Variants in MYO18B observed in about 807,000 individuals in gnomAD.
MYO18B encodes unconventional myosin-XVIIIb.
Under a neutral mutation model 273.0 loss-of-function variants are expected in MYO18B, and 204 were observed. That is an observed-to-expected ratio of 0.75 (90% CI 0.67 to 0.84). The LOEUF (loss-of-function observed/expected upper bound fraction) is 0.84, where lower values mean the gene tolerates loss of function less well. Among genes scored for constraint, MYO18B ranks in the 40% least tolerant of loss-of-function variants. MYO18B has a pLI of 0.00. For missense variants in MYO18B, 3,212 were observed against 3,287.6 expected, an observed-to-expected ratio of 0.98 and a Z score of 0.56; for synonymous variants, 1,330 against 1,305.7, an observed-to-expected ratio of 1.02 and a Z score of -0.40.
chr22:25,772,197 C>A, intron 6 of MYO18B, 137 bp from the exon 7 acceptor site: 1 of 721,226 alleles, frequency 1.4e-6, no homozygotes, highest in Non-Finnish European at 2.2e-6. Context: ...TCCAGAGTCC[C>A]TGTGCTCTGT....
intron 34 of MYO18B, among the ~76,000 whole-genome samples, chr22:25,930,683 A>C (rs1479626366): frequency 6.6e-6 from 1 of 151,912 alleles, no homozygotes; most frequent in Non-Finnish European, 1.5e-5. Flanking sequence ...TGTGTCGCCC[A>C]GGCTGGTCTT....
At chr22:26,005,996 C>T (rs1214409202) in intron 42 of MYO18B, among the ~76,000 whole-genome samples, 1 of 152,076 alleles carries the variant, frequency 6.6e-6, no homozygotes, top group Non-Finnish European at 1.5e-5. Flanking sequence ...AAAACAAAGG[C>T]CTGTATGAAG....
chr22:25,749,287 T>G (rs928289093), intron 1 of MYO18B, among the ~76,000 whole-genome samples: 2 of 152,188 alleles, frequency 1.3e-5, no homozygotes, highest in Admixed American at 6.5e-5. Context: ...ACAAAGCATG[T>G]TGAAGCCCTC....
chr22:25,772,378 C>A lies in MYO18B; in HGVS notation c.1737C>A (p.Leu579=). Residue 579 remains leucine, a synonymous_variant, in exon 7 of 44, where the codon CTC becomes CTA. Coordinates refer to ENST00000335473, the MANE Select transcript of MYO18B (RefSeq NM_032608.7). ...ELDQVEDLAS[L]ISVNESSVLN... Reference sequence around the variant, plus strand: ...ACCAGGTCGAGGACCTGGCCTCTCTCATCAGTGTCAACGAATCCAGTGTCC... The same window carrying A: ...ACCAGGTCGAGGACCTGGCCTCTCTAATCAGTGTCAACGAATCCAGTGTCC... 1 of 1,614,016 alleles carries A rather than the reference C, an allele frequency of 6.2e-7. No individual in the cohort carries two copies. The highest frequency in any genetic ancestry group is 8.5e-7 in the Non-Finnish European group (1 of 1,179,886).
intron 34 of MYO18B, among the ~76,000 whole-genome samples, chr22:25,942,366 A>C (rs2092654656): frequency 6.6e-6 from 1 of 152,248 alleles, no homozygotes; most frequent in African/African-American, 2.4e-5. Context: ...GTCATTTTAC[A>C]GACTCCCAAC....
At chr22:25,863,137 T>C (rs1569124620) in intron 21 of MYO18B, among the ~76,000 whole-genome samples, 1 of 152,234 alleles carries the variant, frequency 6.6e-6, no homozygotes, top group Non-Finnish European at 1.5e-5. Context: ...TAATTTACTT[T>C]TCAAATGAAG....
chr22:25,753,098 T>TCG (rs2085988136), intron 1 of MYO18B, among the ~76,000 whole-genome samples: 1 of 152,072 alleles, frequency 6.6e-6, no homozygotes, highest in Non-Finnish European at 1.5e-5. Flanking sequence ...CTGGTTAGGA[T>TCG]CGCGCGCGGC....
At chr22:26,012,297 G>T (rs1237212823) in intron 42 of MYO18B, among the ~76,000 whole-genome samples, 1 of 152,166 alleles carries the variant, frequency 6.6e-6, no homozygotes. Context: ...TCCCAAAGTG[G>T]GGTAAGCATC....
At position 25,826,409 on chromosome 22, in the gene MYO18B, G is replaced by C. The variant is rs367783808; in HGVS notation, c.2696G>C (p.Gly899Ala). The C allele has an allele frequency of 1.4e-5, 22 of 1,609,172 alleles. No homozygotes were observed. Among genetic ancestry groups the C allele is most frequent in the Non-Finnish European group, 1.2e-5 (14 of 1,178,174 alleles). Residue 899 changes from glycine (G) to alanine (A), a missense_variant and splice_region_variant, in exon 14 of 44, where the codon GGG (glycine) becomes GCG (alanine). Gly to Ala is a moderately conservative substitution (Grantham distance 60). Transcript: ENST00000335473. ...ATGCTGATTCTGTCCTCTTTCCCAG[G>C]GCTCAAGATGACAGGAGTGGACTGT... ...WGLEDEETSS[G>A]LKMTGVDCVE...
chr22:25,820,381 A>G (rs184330440), intron 12 of MYO18B, among the ~76,000 whole-genome samples: 2 of 152,158 alleles, frequency 1.3e-5, no homozygotes, highest in African/African-American at 2.4e-5. Context: ...TAGTTTTGCC[A>G]TAAGCCAGAT....
chr22:25,810,464 C>G (rs1221654592), intron 12 of MYO18B, among the ~76,000 whole-genome samples: 2 of 124,062 alleles, frequency 1.6e-5, no homozygotes, highest in Admixed American at 1.9e-4. Context: ...GATGGTGTCT[C>G]TCTGTGTCAC....
intron 39 of MYO18B, among the ~76,000 whole-genome samples, chr22:25,956,457 C>T (rs2092853520): frequency 6.6e-6 from 1 of 152,186 alleles, no homozygotes. Flanking sequence ...CTCAGGCAAT[C>T]TGCCCACTTC....
chr22:26,044,079 A>G, the MYO18B span, among the ~76,000 whole-genome samples: 6 of 152,318 alleles, frequency 3.9e-5, no homozygotes, highest in South Asian at 1.2e-3. Context: ...GCATTTTTCT[A>G]ATAACTAATG....
rs766609930 is a variant in MYO18B, at chr22:25,947,814, G to A, written c.5734G>A (p.Asp1912Asn). ...GAATGAGCTGATGCAGAAGCACAAG[G>A]ACCTCATTGCTCAGGTAGTGAATGA... ...DLNELMQKHK[D>N]LIAQSAADIG... The change falls in exon 36 of 44, where the codon GAC becomes AAC. Residue 1912 changes from aspartate (D) to asparagine (N), a missense_variant. Physicochemically the swap from Asp to Asn is conservative, Grantham distance 23 (BLOSUM62 1). Coordinates refer to ENST00000335473, the MANE Select transcript of MYO18B (RefSeq NM_032608.7). 1.9e-6 allele frequency: 3 copies of A among 1,613,712 alleles called. No individual in the cohort carries two copies. The highest frequency in any genetic ancestry group is 2.2e-5 in the South Asian group (2 of 91,038).
At chr22:25,989,823 C>T (rs1014766946) in intron 39 of MYO18B, among the ~76,000 whole-genome samples, 33 of 151,472 alleles carry the variant, frequency 2.2e-4, no homozygotes, top group African/African-American at 7.0e-4. Flanking sequence ...CAGAAGCTGC[C>T]GGGATTTTGC....
At chr22:25,865,734 A>AT (rs924176921) in intron 21 of MYO18B, among the ~76,000 whole-genome samples, 23 of 151,956 alleles carry the variant, frequency 1.5e-4, no homozygotes, top group East Asian at 1.9e-4. Context: ...CTGGATCATG[A>AT]TTTTTTTTCC....
At position 25,962,015 on chromosome 22, in the gene MYO18B, C is replaced by G. The variant is rs557510173; in HGVS notation, c.6156+6651C>G. 2.7e-3 allele frequency among the ~76,000 whole-genome samples: 416 copies of G among 152,344 alleles called. 4 individuals are homozygous for G. The highest frequency in any genetic ancestry group is 4.3e-3 in the Non-Finnish European group (294 of 68,030). ...TGAGTGGAAGCAGCTAAGGCCCTCA[C>G]TAGAAGCAGGTGCTGGTGTCACACT... is the stretch of plus-strand genomic sequence containing the variant. On this transcript the variant is annotated intron_variant, in intron 39 of 43. Coordinates refer to ENST00000335473, the MANE Select transcript of MYO18B (RefSeq NM_032608.7).
chr22:25,884,052 C>T (rs1489701079), intron 25 of MYO18B, among the ~76,000 whole-genome samples: 4 of 152,108 alleles, frequency 2.6e-5, no homozygotes, highest in Non-Finnish European at 5.9e-5. Flanking sequence ...GATTTTCCCC[C>T]CAAGACCTTA....
intron 12 of MYO18B, among the ~76,000 whole-genome samples, chr22:25,804,470 G>A (rs968050134): frequency 2.1e-4 from 32 of 152,228 alleles, no homozygotes; most frequent in African/African-American, 6.8e-4. Flanking sequence ...GTGGTGTGAC[G>A]TGCGCAAGGG....
Sources: allele counts gnomAD v4.1 joint callset (sites outside exome capture counted in the v4.1 genomes callset), GRCh38; gene constraint gnomAD v4.1.1; transcripts MANE v1.5; gene names NCBI Gene and HGNC (gene_info 2026-07-23, HGNC 2026-07-21).